Variants in SLC4A1 observed in about 807,000 individuals in gnomAD.
The protein encoded by SLC4A1 is solute carrier family 4 member 1 (Diego blood group), also known as band 3 anion transport protein.
SLC4A1 carries 29 observed loss-of-function variants against 93.1 expected under a neutral mutation model. The ratio of observed to expected loss-of-function variants is 0.31; its 90% CI spans 0.23 to 0.42. SLC4A1 has a LOEUF of 0.42. SLC4A1 is among the 20% of genes least tolerant of loss of function. The pLI is 1.00. For missense variants in SLC4A1, 965 were observed against 1,190.1 expected (o/e 0.81, Z 2.78); for synonymous variants, 469 against 497.2 (o/e 0.94, Z 0.76).
intron 1 of SLC4A1, among the ~76,000 whole-genome samples, chr17:44,265,512 G>A (rs1395009650): frequency 1.3e-5 from 2 of 152,116 alleles, no homozygotes; most frequent in Non-Finnish European, 2.9e-5. Flanking sequence ...TGGGACTACA[G>A]GCGCCCGCCA....
chr17:44,249,964 A>ATTTTTTT lies in SLC4A1; in HGVS notation c.*493_*494insAAAAAAA, dbSNP rs2047324146. On this transcript the variant is annotated 3_prime_UTR_variant, in exon 20 of 20. Transcript: ENST00000262418. ...TAGAACAGTCCCTGTGGAGTTTACA[A>ATTTTTTT]AGCCCTATTTTACATGTATCTTTGG... 1 of 194,228 alleles carries ATTTTTTT rather than the reference A, an allele frequency of 5.1e-6. No homozygotes were observed. Among genetic ancestry groups the ATTTTTTT allele is most frequent in the Admixed American group, 5.3e-5 (1 of 18,874 alleles). The allele number at this position is 194,228 out of a possible 1,614,324, so 12.0% of individuals were successfully genotyped here.
At chr17:44,262,997 C>T (rs1227595087) in intron 1 of SLC4A1, 63 bp from the exon 2 acceptor site, 3 of 1,365,330 alleles carry the variant, frequency 2.2e-6, no homozygotes, top group Non-Finnish European at 3.1e-6. Context: ...GGTCCTCCTC[C>T]AGAGGGGGCC....
At chr17:44,260,313 C>A in intron 6 of SLC4A1, 91 bp downstream of exon 6, 1 of 1,508,442 alleles carries the variant, frequency 6.6e-7, no homozygotes, top group Non-Finnish European at 9.0e-7. Flanking sequence ...GAGGGTAGGG[C>A]CACCTGGATC....
chr17:44,258,637 A>T lies in SLC4A1; in HGVS notation c.877-14T>A, dbSNP rs1240866109. 6.4e-7 allele frequency: 1 copy of T among 1,572,122 alleles called. No individual in the cohort carries two copies. Reference sequence around the variant, plus strand: ...TATGCGGAACACCTAGGGGCAGGAGACAGGGTCAGAGCTGCCCGGACCTGC... The same window carrying T: ...TATGCGGAACACCTAGGGGCAGGAGTCAGGGTCAGAGCTGCCCGGACCTGC... On this transcript the variant is annotated splice_polypyrimidine_tract_variant and intron_variant, in intron 9 of 19. Transcript: ENST00000262418. The surrounding 1 kb of genome is among the most constrained non-coding windows in gnomAD (Gnocchi z 6.1).
Position 44,254,404 on chromosome 17 carries a change from G to T in SLC4A1, c.2057+92C>A, listed in dbSNP as rs2047370129. On this transcript the variant is annotated intron_variant, in intron 16 of 19. Coordinates refer to ENST00000262418, the MANE Select transcript of SLC4A1 (RefSeq NM_000342.4). ...GCCACACACCCGCAGGGACTAGCTT[G>T]CAGTCCTGGGTCTCTTGCCTGCCTG... 6 of 1,216,768 alleles carry T rather than the reference G, an allele frequency of 4.9e-6. No individual in the cohort carries two copies. The African/African-American group carries it at 7.5e-5, about 15-fold the overall frequency. 75.4% of individuals were successfully genotyped at this position (1,216,768 alleles called of 1,614,324 possible).
intron 17 of SLC4A1, among the ~76,000 whole-genome samples, chr17:44,252,047 CTTTTTTTTT>C (rs966641655): frequency 5.8e-5 from 4 of 69,100 alleles, no homozygotes; most frequent in African/African-American, 2.8e-4. Context: ...TCCTATGGGT[CTTTTTTTTT>C]TTTTTTTTTT....
At chr17:44,260,957 C>T in intron 4 of SLC4A1, 142 bp from the exon 5 acceptor site, 1 of 942,206 alleles carries the variant, frequency 1.1e-6, no homozygotes, top group African/African-American at 1.6e-5. Flanking sequence ...ACACCACTCC[C>T]TTATCTCCCA....
Position 44,249,470 on chromosome 17 carries a change from T to G in SLC4A1, c.*988A>C. ...CCCCCTCACTCTCCCGCCCCTACCT[T>G]CCCACCCTCCCCCACTCCCTATCCA... On this transcript the variant is annotated 3_prime_UTR_variant, in exon 20 of 20. Transcript: ENST00000262418. 4.1e-6 allele frequency: 1 copy of G among 245,158 alleles called. No homozygotes were observed. Among genetic ancestry groups the G allele is most frequent in the African/African-American group, 2.5e-5 (1 of 40,474 alleles). The allele number at this position is 245,158 out of a possible 1,614,324, so 15.2% of individuals were successfully genotyped here.
intron 1 of SLC4A1, among the ~76,000 whole-genome samples, chr17:44,263,586 T>C (rs186467798): frequency 1.3e-5 from 2 of 152,186 alleles, no homozygotes; most frequent in African/African-American, 4.8e-5. Flanking sequence ...CTCCCCCCAA[T>C]ACCTCAGACC....
Position 44,257,493 on chromosome 17 carries a change from A to G in SLC4A1, c.1483T>C (p.Phe495Leu). The G allele has an allele frequency of 6.2e-7, 1 of 1,613,800 alleles. No individual in the cohort carries two copies. Among genetic ancestry groups the G allele is most frequent in the African/African-American group, 1.3e-5 (1 of 74,882 alleles). The change falls in exon 13 of 20, where the codon TTC becomes CTC. Residue 495 changes from phenylalanine (F) to leucine (L), a missense_variant. Phe to Leu is a conservative substitution (Grantham distance 22, BLOSUM62 0). Transcript: ENST00000262418. ...AACACCACCAGCAGGATGAGCCAGA[A>G]GCCGATCCACACGCGGCCCACGATG... ...EYIVGRVWIGFWLILLVVLVV... is the reference protein window; with the variant it reads ...EYIVGRVWIGLWLILLVVLVV...
In SLC4A1 at chr17:44,250,310, C is replaced by A; in HGVS notation, c.*148G>T. On this transcript the variant is annotated 3_prime_UTR_variant, in exon 20 of 20. Coordinates refer to ENST00000262418, the MANE Select transcript of SLC4A1 (RefSeq NM_000342.4). The stretch of plus-strand genomic sequence containing the variant: ...CCCTTTGTGGAAGGTCTCCTGGACA[C>A]GCCTTCCTTCCCCACCCACAGCCCT... 1.4e-6 allele frequency: 1 copy of A among 693,390 alleles called. No individual in the cohort carries two copies. Among genetic ancestry groups the A allele is most frequent in the Non-Finnish European group, 2.6e-6 (1 of 388,292 alleles). The allele number at this position is 693,390 out of a possible 1,614,324, so 43.0% of individuals were successfully genotyped here. A position where few individuals can be genotyped will look rare whatever the true frequency, so the allele number is the denominator to read the frequency against.
At chr17:44,260,919 T>C (rs959778548) in intron 4 of SLC4A1, 104 bp from the exon 5 acceptor site, 2 of 1,336,260 alleles carry the variant, frequency 1.5e-6, no homozygotes, top group African/African-American at 1.4e-5. Flanking sequence ...CTTGGATCCC[T>C]GTGCTCAAGG....
In SLC4A1 at chr17:44,256,201, T is replaced by A. The variant is rs149005208; in HGVS notation, c.1627-355A>T. Among the ~76,000 whole-genome samples, 226 of 152,198 alleles carry A rather than the reference T, an allele frequency of 1.5e-3. 1 individual carries two copies. The highest frequency in any genetic ancestry group is 5.0e-3 in the African/African-American group (207 of 41,492). The stretch of plus-strand genomic sequence containing the variant: ...CGTCCATCCATTATCCATCTATTCA[T>A]CCATCCATCCATCTATCTTCTTCCT... On this transcript the variant is annotated intron_variant, in intron 13 of 19. Transcript: ENST00000262418.
rs2047321968 is a variant in SLC4A1, at chr17:44,249,646, A to G, written c.*812T>C. On this transcript the variant is annotated 3_prime_UTR_variant, in exon 20 of 20. Coordinates refer to ENST00000262418, the MANE Select transcript of SLC4A1 (RefSeq NM_000342.4). ...TAATGAGTGTTTGGAGGGAGGAACC[A>G]AACACTTAGGAGGCCTGAGTCCCAG... is the stretch of plus-strand genomic sequence containing the variant. The G allele has an allele frequency of 6.2e-6, 1 of 161,066 alleles. No homozygotes were observed. The highest frequency in any genetic ancestry group is 2.4e-5 in the African/African-American group (1 of 41,270). The allele number at this position is 161,066 out of a possible 1,614,324, so 10.0% of individuals were successfully genotyped here.
chr17:44,262,656 G>A lies in SLC4A1; in HGVS notation c.86C>T (p.Ser29Phe), dbSNP rs879030630. 1 of 1,613,112 alleles carries A rather than the reference G, an allele frequency of 6.2e-7. No homozygotes were observed. Among genetic ancestry groups the A allele is most frequent in the Non-Finnish European group, 8.5e-7 (1 of 1,179,456 alleles). ...CTCACCTGCCGGCTCCTCCATCTGG[G>A]ACTCGGGGATGTCTGGGTCTTCATA... ...EEYEDPDIPE[S>F]QMEEPAAHDT... Residue 29 changes from serine to phenylalanine, a missense_variant, in exon 3 of 20, where the codon TCC becomes TTC. By Grantham distance (155) the Ser-to-Phe change is radical (BLOSUM62 -2). Transcript: ENST00000262418.
chr17:44,263,073 A>C, intron 1 of SLC4A1, 139 bp from the exon 2 acceptor site: 1 of 723,918 alleles, frequency 1.4e-6, no homozygotes, highest in Non-Finnish European at 2.4e-6. Context: ...TGTGGAGGGA[A>C]AGGGAGAACG....
In SLC4A1 at chr17:44,260,811, T is replaced by C. The variant is rs368863744; in HGVS notation, c.173A>G (p.Tyr58Cys). 155 of 1,611,822 alleles carry C rather than the reference T, an allele frequency of 9.6e-5. No individual in the cohort carries two copies. The South Asian group carries it at 9.9e-4, about 10-fold the overall frequency. Residue 58 changes from tyrosine (Y) to cysteine (C), a missense_variant, in exon 5 of 20, where the codon TAT becomes TGT. Transcript: ENST00000262418. ...CATCACCAGCTCCTGCAGCTCCACA[T>C]AGACCTGTGGCCCCATGCGCCTGAG... ...TTSHPGTHKV[Y>C]VELQELVMDE...
Position 44,251,461 on chromosome 17 carries a change from G to A in SLC4A1, c.2439C>T (p.Phe813=). 2 of 1,614,248 alleles carry A rather than the reference G, an allele frequency of 1.2e-6. No individual in the cohort carries two copies. Among genetic ancestry groups the A allele is most frequent in the South Asian group, 1.1e-5 (1 of 91,090 alleles). ...IQLFDRILLL[F]KPPKYHPDVP... is the part of the protein sequence containing the mutation. ...CATCTGGGTGATACTTGGGTGGCTTGAACAGAAGCAAGATGCGGTCAAAGA... is the reference window on the plus strand; with the variant it reads ...CATCTGGGTGATACTTGGGTGGCTTAAACAGAAGCAAGATGCGGTCAAAGA... The change falls in exon 18 of 20, where the codon TTC becomes TTT. Residue 813 remains phenylalanine (F), a synonymous_variant. Transcript: ENST00000262418.
intron 15 of SLC4A1, among the ~76,000 whole-genome samples, chr17:44,254,933 A>G (rs1195807802): frequency 6.6e-6 from 1 of 152,198 alleles, no homozygotes; most frequent in Non-Finnish European, 1.5e-5. Flanking sequence ...GCTGGGATTC[A>G]TGCCTAGATC....
Sources: allele counts gnomAD v4.1 joint callset (sites outside exome capture counted in the v4.1 genomes callset), GRCh38; gene constraint gnomAD v4.1.1; non-coding constraint Gnocchi (gnomAD v3.1); transcripts MANE v1.5; gene names NCBI Gene and HGNC (gene_info 2026-07-23, HGNC 2026-07-21).